The following DYM variants were observed in gnomAD, a reference collection of about 807,000 sequenced individuals.
DYM encodes the protein dyggve-Melchior-Clausen syndrome protein.
A neutral mutation model predicts 93.1 loss-of-function variants in DYM; 78 were observed. That is an observed-to-expected ratio of 0.84 (90% CI 0.70 to 1.01). The LOEUF (loss-of-function observed/expected upper bound fraction) is 1.01, where lower values mean the gene tolerates loss of function less well. Ranked by LOEUF, DYM falls within the 50% of genes least tolerant of loss-of-function variation. The pLI, the probability that DYM is intolerant of heterozygous loss-of-function variation, is 0.00. For missense variants in DYM, 789 were observed against 845.0 expected (o/e 0.93, Z 0.82); for synonymous variants, 321 against 319.7 (o/e 1.00, Z -0.04).
intron 17 of DYM, among the ~76,000 whole-genome samples, chr18:49,082,329 T>A (rs1026639248): frequency 6.6e-6 from 1 of 152,254 alleles, no homozygotes; most frequent in African/African-American, 2.4e-5. Flanking sequence ...TTCTCCAGTA[T>A]CTTCAAGTAG....
intron 8 of DYM, among the ~76,000 whole-genome samples, chr18:49,317,012 C>G (rs922490546): frequency 6.6e-6 from 1 of 152,120 alleles, no homozygotes; most frequent in Non-Finnish European, 1.5e-5. Flanking sequence ...TTGTCTAAAC[C>G]CTGAGTACTG....
Position 49,367,018 on chromosome 18 carries a change from G to A in DYM, c.422-3785C>T, listed in dbSNP as rs578124752. Reference sequence around the variant, plus strand: ...TAAAGATATGTTTCTACACAAAGTTGGGGGAAAATATTCAACCAATTCATG... The same window carrying A: ...TAAAGATATGTTTCTACACAAAGTTAGGGGAAAATATTCAACCAATTCATG... On this transcript the variant is annotated intron_variant, in intron 5 of 17. Transcript: ENST00000675505. Among the ~76,000 whole-genome samples, 10 of 152,162 alleles carry A rather than the reference G, an allele frequency of 6.6e-5. No homozygotes were observed. The East Asian group carries it at 1.7e-3, about 26-fold the overall frequency.
chr18:49,112,074 C>T (rs1197729713), intron 16 of DYM, among the ~76,000 whole-genome samples: 1 of 151,138 alleles, frequency 6.6e-6, no homozygotes, highest in Non-Finnish European at 1.5e-5. Context: ...TCTACCTATG[C>T]CCCGAGGGCA....
At chr18:49,453,560 T>G (rs1041790150) in intron 1 of DYM, among the ~76,000 whole-genome samples, 11 of 152,134 alleles carry the variant, frequency 7.2e-5, no homozygotes, top group Admixed American at 3.3e-4. Context: ...ACGCCGCCTT[T>G]AAGAACTGTA....
intron 10 of DYM, among the ~76,000 whole-genome samples, chr18:49,278,733 G>T (rs544215304): frequency 2.0e-5 from 3 of 152,160 alleles, no homozygotes; most frequent in African/African-American, 4.8e-5. Context: ...TGAGAATAAG[G>T]CCAAAGCTAT....
At chr18:49,176,143 A>T (rs796290481) in intron 14 of DYM, among the ~76,000 whole-genome samples, 1 of 152,198 alleles carries the variant, frequency 6.6e-6, no homozygotes, top group South Asian at 2.1e-4. Context: ...TAAGGTAACT[A>T]AAGTCAAAAT....
At chr18:49,400,913 T>C (rs1441067069) in intron 2 of DYM, among the ~76,000 whole-genome samples, 1 of 152,194 alleles carries the variant, frequency 6.6e-6, no homozygotes. Flanking sequence ...TGAGCTCAGA[T>C]GTGCTGGCAG....
intron 13 of DYM, among the ~76,000 whole-genome samples, chr18:49,243,662 G>C: frequency 1.1e-5 from 1 of 92,654 alleles, no homozygotes; most frequent in South Asian, 3.5e-4. Context: ...GCAAGGCTCT[G>C]TCTCAAAAAA....
At chr18:49,367,095 G>A (rs1276445763) in intron 5 of DYM, among the ~76,000 whole-genome samples, 1 of 152,176 alleles carries the variant, frequency 6.6e-6, no homozygotes, top group Non-Finnish European at 1.5e-5. Context: ...GCCCGGTTAG[G>A]AGGGAGACAT....
chr18:49,290,785 G>C (rs913141842), intron 8 of DYM, among the ~76,000 whole-genome samples: 1 of 152,158 alleles, frequency 6.6e-6, no homozygotes, highest in African/African-American at 2.4e-5. Context: ...TCATGGAGCA[G>C]AGTGGGAGTG....
At chr18:49,369,360 G>A (rs993624528) in intron 5 of DYM, among the ~76,000 whole-genome samples, 6 of 152,164 alleles carry the variant, frequency 3.9e-5, no homozygotes, top group Non-Finnish European at 7.4e-5. Context: ...GGGAAGGGGG[G>A]TGGCCTCCTA....
intron 3 of DYM, among the ~76,000 whole-genome samples, chr18:49,390,171 C>G (rs920732413): frequency 1.5e-4 from 23 of 152,098 alleles, no homozygotes; most frequent in African/African-American, 5.6e-4. Flanking sequence ...CTGTAATATC[C>G]CAACACTTTG....
chr18:49,340,014 C>G (rs1439066920), intron 6 of DYM, among the ~76,000 whole-genome samples: 1 of 151,984 alleles, frequency 6.6e-6, no homozygotes, highest in Non-Finnish European at 1.5e-5. Flanking sequence ...GCAGTGGCGC[C>G]ATCTCGGCTC....
chr18:49,261,793 TA>T (rs2094494768), intron 11 of DYM, among the ~76,000 whole-genome samples: 1 of 152,228 alleles, frequency 6.6e-6, no homozygotes, highest in Non-Finnish European at 1.5e-5. Flanking sequence ...CAACTGTTAA[TA>T]TTTTTTAATA....
chr18:49,141,800 C>T (rs548542116), intron 15 of DYM, among the ~76,000 whole-genome samples: 1 of 152,118 alleles, frequency 6.6e-6, no homozygotes, highest in Non-Finnish European at 1.5e-5. Context: ...GCCTATTCAT[C>T]GCTATGGACT....
At chr18:49,064,331 G>A (rs990730800) in intron 17 of DYM, among the ~76,000 whole-genome samples, 12 of 152,204 alleles carry the variant, frequency 7.9e-5, no homozygotes, top group Non-Finnish European at 1.3e-4. Flanking sequence ...TAACTTCTCA[G>A]ATTTCAATTA....
chr18:49,260,439 G>A (rs956604253), intron 11 of DYM, among the ~76,000 whole-genome samples: 7 of 152,178 alleles, frequency 4.6e-5, no homozygotes, highest in African/African-American at 1.7e-4. Context: ...GAAACTATAA[G>A]AGAAAAGTGC....
At chr18:49,333,919 G>T in intron 6 of DYM, 66 bp from the exon 7 acceptor site, 1 of 1,485,494 alleles carries the variant, frequency 6.7e-7, no homozygotes, top group Non-Finnish European at 9.2e-7. Context: ...TTTTCTAAAT[G>T]AACTATACAT....
In DYM at chr18:49,373,230, T is replaced by C. The variant is rs533652896; in HGVS notation, c.421+5337A>G. ...TTCTTGGATCTCGTGCAAGAAAGAA[T>C]TCAGGACTAGTCCGCAATGCAAAGT... On this transcript the variant is annotated intron_variant, in intron 5 of 17. Transcript: ENST00000675505. Among the ~76,000 whole-genome samples, 32 of 152,222 alleles carry C rather than the reference T, an allele frequency of 2.1e-4. No homozygotes were observed. The Middle Eastern group carries it at 0.01, about 49-fold the overall frequency.
Sources: gnomAD v4.1 joint callset for allele counts (sites outside exome capture counted in the v4.1 genomes callset) on GRCh38, gnomAD v4.1.1 for gene constraint, MANE v1.5 for transcripts, NCBI Gene and HGNC (gene_info 2026-07-23, HGNC 2026-07-21) for gene names.